CADM2: variants seen among roughly 807,000 people sequenced by gnomAD.
The protein encoded by CADM2 is cell adhesion molecule 2.
Under a neutral mutation model 49.8 loss-of-function variants are expected in CADM2, and 12 were observed. That is an observed-to-expected ratio of 0.24 (90% CI 0.15 to 0.39). CADM2 has a LOEUF of 0.39. Ranked by LOEUF, CADM2 falls within the 10% of genes least tolerant of loss-of-function variation. The pLI, the probability that CADM2 is intolerant of heterozygous loss-of-function variation, is 1.00. For synonymous variants in CADM2, 214 were observed against 175.4 expected (o/e 1.22, Z -1.74); for missense variants, 378 against 492.3 (o/e 0.77, Z 2.20).
chr3:85,809,579 A>T (rs2072685072), intron 3 of CADM2, among the ~76,000 whole-genome samples: 2 of 152,136 alleles, frequency 1.3e-5, no homozygotes, highest in African/African-American at 4.8e-5. Flanking sequence ...TGTCTCATAA[A>T]AAAAGGGAAA....
At chr3:85,234,916 A>G (rs972039830) in intron 1 of CADM2, among the ~76,000 whole-genome samples, 2 of 152,134 alleles carry the variant, frequency 1.3e-5, no homozygotes, top group Non-Finnish European at 2.9e-5. Flanking sequence ...AAAAGCTGCT[A>G]TGAACTAACA....
intron 1 of CADM2, among the ~76,000 whole-genome samples, chr3:85,520,430 C>T (rs942705847): frequency 1.3e-5 from 2 of 151,848 alleles, no homozygotes; most frequent in African/African-American, 4.8e-5. Context: ...TCCATGTGTA[C>T]AATGCTAATT....
chr3:85,320,416 A>T (rs2044569285), intron 1 of CADM2, among the ~76,000 whole-genome samples: 1 of 152,176 alleles, frequency 6.6e-6, no homozygotes, highest in African/African-American at 2.4e-5. Context: ...GGCATCTCAT[A>T]GATTTCGGGT....
intron 1 of CADM2, among the ~76,000 whole-genome samples, chr3:85,684,834 A>G (rs1357247756): frequency 6.6e-6 from 1 of 152,188 alleles, no homozygotes; most frequent in African/African-American, 2.4e-5. Flanking sequence ...CCCGCCCACA[A>G]CATGCAGGAA....
chr3:85,649,910 A>T (rs193079503), intron 1 of CADM2, among the ~76,000 whole-genome samples: 231 of 152,298 alleles, frequency 1.5e-3, no homozygotes, highest in Non-Finnish European at 2.4e-3. Flanking sequence ...TGTGTGGAAG[A>T]GGATTAGTGA....
At chr3:85,420,381 T>C (rs958268439) in intron 1 of CADM2, among the ~76,000 whole-genome samples, 4 of 152,218 alleles carry the variant, frequency 2.6e-5, no homozygotes, top group African/African-American at 9.7e-5. Flanking sequence ...CCTTTTGTCT[T>C]AGAAAAGAAT....
At chr3:85,005,386 C>T (rs1378509912) in intron 1 of CADM2, among the ~76,000 whole-genome samples, 1 of 152,110 alleles carries the variant, frequency 6.6e-6, no homozygotes, top group African/African-American at 2.4e-5. Flanking sequence ...GGAATTAAAA[C>T]TGCATGGTAC....
chr3:85,877,014 T>C (rs917084167), intron 3 of CADM2, among the ~76,000 whole-genome samples: 2 of 152,066 alleles, frequency 1.3e-5, no homozygotes, highest in Non-Finnish European at 2.9e-5. Flanking sequence ...TTATCCAGAG[T>C]TAAGTACTAT....
At chr3:85,276,532 A>G (rs998937804) in intron 1 of CADM2, among the ~76,000 whole-genome samples, 2 of 151,340 alleles carry the variant, frequency 1.3e-5, no homozygotes, top group African/African-American at 4.8e-5. Flanking sequence ...AATTTTCATT[A>G]GTATTGATTT....
chr3:85,808,745 C>T (rs967056150), intron 3 of CADM2, among the ~76,000 whole-genome samples: 12 of 151,946 alleles, frequency 7.9e-5, no homozygotes, highest in African/African-American at 2.9e-4. Context: ...TAAAAATTTC[C>T]TAAAGAAATC....
intron 1 of CADM2, among the ~76,000 whole-genome samples, chr3:85,108,006 G>T (rs1158430262): frequency 2.0e-5 from 3 of 151,982 alleles, no homozygotes; most frequent in African/African-American, 7.2e-5. Context: ...ATGGTAGGCA[G>T]TATGACTATT....
At chr3:85,623,037 A>G (rs183534581) in intron 1 of CADM2, among the ~76,000 whole-genome samples, 1 of 152,196 alleles carries the variant, frequency 6.6e-6, no homozygotes, top group African/African-American at 2.4e-5. Flanking sequence ...AAGCTTTCTG[A>G]TAAGCTTAAG....
intron 8 of CADM2, among the ~76,000 whole-genome samples, chr3:86,040,253 GAGA>G (rs1458457513): frequency 1.3e-5 from 2 of 152,180 alleles, no homozygotes; most frequent in Admixed American, 6.5e-5. Context: ...GAAGACCTGA[GAGA>G]AGAAGGCTTC....
At chr3:85,536,085 G>A (rs541058261) in intron 1 of CADM2, among the ~76,000 whole-genome samples, 1 of 152,008 alleles carries the variant, frequency 6.6e-6, no homozygotes, top group South Asian at 2.1e-4. Context: ...GAAGTCTAGG[G>A]GTATTTAGAA....
chr3:85,387,597 G>A (rs1044365861), intron 1 of CADM2, among the ~76,000 whole-genome samples: 1 of 151,984 alleles, frequency 6.6e-6, no homozygotes, highest in Admixed American at 6.6e-5. Flanking sequence ...TCTCTGAAAT[G>A]GAAAATTTAT....
At chr3:85,794,089 C>T (rs2108042958) in intron 2 of CADM2, among the ~76,000 whole-genome samples, 1 of 152,252 alleles carries the variant, frequency 6.6e-6, no homozygotes. Flanking sequence ...GGATCACCAT[C>T]TGTTTTATCT....
At chr3:85,528,639 T>C (rs1448655948) in intron 1 of CADM2, among the ~76,000 whole-genome samples, 1 of 152,236 alleles carries the variant, frequency 6.6e-6, no homozygotes, top group Non-Finnish European at 1.5e-5. Flanking sequence ...TGACTACTGC[T>C]GCAGATAATA....
intron 1 of CADM2, among the ~76,000 whole-genome samples, chr3:85,598,177 A>G (rs917155207): frequency 6.6e-6 from 1 of 152,022 alleles, no homozygotes; most frequent in Non-Finnish European, 1.5e-5. Flanking sequence ...AAATAAAAAT[A>G]AAAAACACAA....
chr3:85,341,460 T>C (rs922037437), intron 1 of CADM2, among the ~76,000 whole-genome samples: 2 of 151,998 alleles, frequency 1.3e-5, no homozygotes, highest in African/African-American at 4.8e-5. Flanking sequence ...CTCAAGCTTC[T>C]GGCAAAGAGC....
Sources: gnomAD v4.1 joint callset for allele counts (sites outside exome capture counted in the v4.1 genomes callset) on GRCh38, gnomAD v4.1.1 for gene constraint, MANE v1.5 for transcripts, NCBI Gene and HGNC (gene_info 2026-07-23, HGNC 2026-07-21) for gene names.